GRM7: variants seen among roughly 807,000 people sequenced by gnomAD.
GRM7 encodes metabotropic glutamate receptor 7.
In GRM7, 35 loss-of-function variants were observed where a neutral mutation model predicts 84.5. The ratio of observed to expected loss-of-function variants is 0.41; its 90% confidence interval spans 0.32 to 0.55. The LOEUF is 0.55. GRM7 is among the 20% of genes least tolerant of loss of function. GRM7 has a pLI of 0.19. For missense variants in GRM7, 1,003 were observed against 1,194.6 expected, an observed-to-expected ratio of 0.84 and a Z score of 2.36; for synonymous variants, 487 against 455.1, an observed-to-expected ratio of 1.07 and a Z score of -0.89.
At chr3:7,475,716 A>G (rs1178438699) in intron 7 of GRM7, among the ~76,000 whole-genome samples, 4 of 152,222 alleles carry the variant, frequency 2.6e-5, no homozygotes, top group Non-Finnish European at 5.9e-5. Context: ...ACATTATGGC[A>G]AAACCATTGA....
intron 1 of GRM7, among the ~76,000 whole-genome samples, chr3:7,100,255 G>T (rs1353787759): frequency 1.3e-5 from 2 of 151,520 alleles, no homozygotes; most frequent in Admixed American, 1.3e-4. Flanking sequence ...TAGGCTTTAT[G>T]AAACAACATG....
chr3:7,459,467 T>C (rs1032729560), intron 6 of GRM7, among the ~76,000 whole-genome samples: 1 of 152,020 alleles, frequency 6.6e-6, no homozygotes, highest in African/African-American at 2.4e-5. Context: ...ACTGGGTAAT[T>C]TATAAAGAAA....
chr3:7,126,869 A>G (rs1693419141), intron 1 of GRM7, among the ~76,000 whole-genome samples: 1 of 152,156 alleles, frequency 6.6e-6, no homozygotes, highest in Non-Finnish European at 1.5e-5. Context: ...CTCATAGCCA[A>G]TGATCTAAAT....
chr3:7,066,081 G>A (rs1436982091), intron 1 of GRM7, among the ~76,000 whole-genome samples: 3 of 151,734 alleles, frequency 2.0e-5, no homozygotes, highest in Non-Finnish European at 4.4e-5. Flanking sequence ...AAGTCTGAAA[G>A]AGCACAAACA....
chr3:6,896,864 AG>A (rs924357894), intron 1 of GRM7, among the ~76,000 whole-genome samples: 1 of 152,126 alleles, frequency 6.6e-6, no homozygotes, highest in Non-Finnish European at 1.5e-5. Context: ...CCTCACAAAG[AG>A]AATTTATTTC....
chr3:7,472,713 A>C (rs904655705), intron 7 of GRM7, among the ~76,000 whole-genome samples: 1 of 152,212 alleles, frequency 6.6e-6, no homozygotes, highest in African/African-American at 2.4e-5. Context: ...CAAAATCAGG[A>C]GGACAATGTA....
chr3:7,535,021 C>T lies in GRM7; in HGVS notation c.1516-43401C>T, dbSNP rs532113588. ...TGTGTCCTTCAGCTAACTTCTCTTACTGCTAGAGTATTTGTGGGAGTATCA... is the reference window on the plus strand; with the variant it reads ...TGTGTCCTTCAGCTAACTTCTCTTATTGCTAGAGTATTTGTGGGAGTATCA... On this transcript the variant is annotated intron_variant, in intron 7 of 9. Coordinates refer to ENST00000357716, the MANE Select transcript of GRM7 (RefSeq NM_000844.4). 4.6e-5 allele frequency among the ~76,000 whole-genome samples: 7 copies of T among 152,296 alleles called. No individual in the cohort carries two copies. The East Asian group carries it at 1.4e-3, about 29-fold the overall frequency.
intron 1 of GRM7, among the ~76,000 whole-genome samples, chr3:6,939,673 C>A: frequency 6.6e-6 from 1 of 152,160 alleles, no homozygotes; most frequent in East Asian, 1.9e-4. Context: ...CTAAAGCCTC[C>A]ATTGCCAGAT....
intron 7 of GRM7, among the ~76,000 whole-genome samples, chr3:7,526,666 A>G (rs576191624): frequency 6.9e-4 from 105 of 152,096 alleles, no homozygotes; most frequent in Middle Eastern, 3.4e-3. Flanking sequence ...AGGTTTTAAC[A>G]TTTAAGTTTT....
At chr3:7,218,006 C>CAAAATA (rs1696672010) in intron 2 of GRM7, among the ~76,000 whole-genome samples, 1 of 151,898 alleles carries the variant, frequency 6.6e-6, no homozygotes, top group Non-Finnish European at 1.5e-5. Context: ...TGTTGTATGG[C>CAAAATA]TCTATCAAAA....
At chr3:6,945,628 G>A (rs373132864) in intron 1 of GRM7, among the ~76,000 whole-genome samples, 7,483 of 152,036 alleles carry the variant, frequency 0.049, 216 homozygotes, top group African/African-American at 0.065. Context: ...GATCCCTGAG[G>A]AATCGCCACA....
At chr3:7,569,309 T>G (rs1694519483) in intron 7 of GRM7, among the ~76,000 whole-genome samples, 1 of 152,094 alleles carries the variant, frequency 6.6e-6, no homozygotes, top group Non-Finnish European at 1.5e-5. Context: ...TCAGGGTTTG[T>G]GAATGCACCA....
At chr3:7,206,716 T>G (rs1386752748) in intron 2 of GRM7, among the ~76,000 whole-genome samples, 1 of 152,010 alleles carries the variant, frequency 6.6e-6, no homozygotes, top group Non-Finnish European at 1.5e-5. Flanking sequence ...AAGTTAGAGG[T>G]GTTGGTAGCA....
At chr3:7,152,434 C>T (rs1409107516) in intron 2 of GRM7, among the ~76,000 whole-genome samples, 2 of 152,164 alleles carry the variant, frequency 1.3e-5, no homozygotes, top group African/African-American at 2.4e-5. Context: ...AGATGTTTAG[C>T]GTGAAACATA....
intron 1 of GRM7, among the ~76,000 whole-genome samples, chr3:7,073,127 C>T (rs1056539077): frequency 6.6e-6 from 1 of 151,984 alleles, no homozygotes; most frequent in African/African-American, 2.4e-5. Context: ...TTTCCTGCAA[C>T]AAATGGTCAA....
At chr3:7,582,831 A>T (rs574095319) in intron 8 of GRM7, among the ~76,000 whole-genome samples, 4 of 152,116 alleles carry the variant, frequency 2.6e-5, no homozygotes, top group Non-Finnish European at 5.9e-5. Context: ...AAATTATTGC[A>T]TGTCTCCCCA....
intron 1 of GRM7, among the ~76,000 whole-genome samples, chr3:6,941,166 C>A (rs1319907884): frequency 6.6e-6 from 1 of 152,158 alleles, no homozygotes; most frequent in African/African-American, 2.4e-5. Flanking sequence ...CCAAGGGAGT[C>A]ATTATCTTAT....
chr3:6,976,379 A>G (rs1186604070), intron 1 of GRM7, among the ~76,000 whole-genome samples: 2 of 152,206 alleles, frequency 1.3e-5, no homozygotes, highest in Non-Finnish European at 1.5e-5. Flanking sequence ...ATGACCAGAA[A>G]TCAGACACCC....
intron 8 of GRM7, among the ~76,000 whole-genome samples, chr3:7,608,570 G>A (rs1484252556): frequency 1.3e-5 from 2 of 151,712 alleles, no homozygotes; most frequent in Non-Finnish European, 2.9e-5. Flanking sequence ...TTATAATAGG[G>A]TTTTTTCTTG....
Sources: gnomAD v4.1 joint callset for allele counts (sites outside exome capture counted in the v4.1 genomes callset) on GRCh38, gnomAD v4.1.1 for gene constraint, MANE v1.5 for transcripts, NCBI Gene and HGNC (gene_info 2026-07-23, HGNC 2026-07-21) for gene names.